ANKRD17: variants seen among roughly 807,000 people sequenced by gnomAD.
The protein encoded by ANKRD17 is ankyrin repeat domain-containing protein 17.
A neutral mutation model predicts 229.7 loss-of-function variants in ANKRD17; 19 were observed. The observed-to-expected ratio is 0.08, with a 90% CI of 0.06 to 0.12. The LOEUF (loss-of-function observed/expected upper bound fraction) is 0.12, where lower values mean the gene tolerates loss of function less well. Ranked by LOEUF, ANKRD17 falls within the 10% of genes least tolerant of loss-of-function variation. ANKRD17 has a pLI of 1.00. For missense variants in ANKRD17, 2,176 were observed against 3,176.8 expected (o/e 0.68, Z 7.57); for synonymous variants, 1,112 against 1,146.1 (o/e 0.97, Z 0.60).
chr4:73,093,272 T>C (rs1315746902), intron 28 of ANKRD17, among the ~76,000 whole-genome samples: 1 of 152,108 alleles, frequency 6.6e-6, no homozygotes, highest in Admixed American at 6.5e-5. Flanking sequence ...TATGATTTCT[T>C]AGAACATCAC....
intron 1 of ANKRD17, among the ~76,000 whole-genome samples, chr4:73,233,336 A>G (rs1743234421): frequency 6.6e-6 from 1 of 152,140 alleles, no homozygotes; most frequent in Admixed American, 6.5e-5. Context: ...TTTATATTAT[A>G]AAGGTTTATA....
chr4:73,121,984 CA>C (rs1726799097), intron 18 of ANKRD17, among the ~76,000 whole-genome samples: 1 of 152,176 alleles, frequency 6.6e-6, no homozygotes, highest in South Asian at 2.1e-4. Flanking sequence ...TAAAATGCTA[CA>C]ATGTGTTCAT....
chr4:73,212,199 T>C lies in ANKRD17; in HGVS notation c.394-34666A>G, dbSNP rs527769905. On this transcript the variant is annotated intron_variant, in intron 1 of 33. Transcript: ENST00000358602. ...AATAACTCAAAATGAAAAACCAGCA[T>C]TTACTATGTTCTAAGTACAATGTTG... Among the ~76,000 whole-genome samples the C allele has an allele frequency of 9.2e-5, 14 of 152,184 alleles. 1 individual carries two copies. The South Asian group carries it at 2.9e-3, about 32-fold the overall frequency.
At chr4:73,242,331 A>C (rs1401283887) in intron 1 of ANKRD17, among the ~76,000 whole-genome samples, 1 of 152,182 alleles carries the variant, frequency 6.6e-6, no homozygotes, top group South Asian at 2.1e-4. Flanking sequence ...ACAATAACTA[A>C]TTAAGAAAGT....
At chr4:73,192,724 T>C (rs890905475) in intron 1 of ANKRD17, among the ~76,000 whole-genome samples, 11 of 152,164 alleles carry the variant, frequency 7.2e-5, no homozygotes, top group Admixed American at 2.0e-4. Flanking sequence ...TCTTGAGATA[T>C]ATAGGATTAA....
At chr4:73,251,259 C>A (rs1170457109) in intron 1 of ANKRD17, among the ~76,000 whole-genome samples, 1 of 152,106 alleles carries the variant, frequency 6.6e-6, no homozygotes, top group African/African-American at 2.4e-5. Context: ...TAACATTTCC[C>A]TTTTCAATAA....
intron 19 of ANKRD17, 33 bp downstream of exon 19, chr4:73,121,584 A>G (rs1354997883): frequency 1.2e-6 from 2 of 1,611,988 alleles, no homozygotes; most frequent in Non-Finnish European, 1.7e-6. Context: ...GTCTTACTAA[A>G]TAAGGGGCTT....
At chr4:73,240,322 C>T (rs1743900317) in intron 1 of ANKRD17, among the ~76,000 whole-genome samples, 1 of 151,954 alleles carries the variant, frequency 6.6e-6, no homozygotes. Flanking sequence ...AGAAAAATTG[C>T]TTCAAAAGAT....
Position 73,090,884 on chromosome 4 carries a change from G to C in ANKRD17, c.6744C>G (p.Pro2248=). 4 of 1,614,244 alleles carry C rather than the reference G, an allele frequency of 2.5e-6. No homozygotes were observed. Among genetic ancestry groups the C allele is most frequent in the Non-Finnish European group, 3.4e-6 (4 of 1,180,054 alleles). Residue 2248 remains proline, a synonymous_variant, in exon 29 of 34, where the codon CCC becomes CCG. Transcript: ENST00000358602. ...NKPIAPNFSA[P]LPFGPFSTLF... ...ATGTGCTAAAGGGCCCAAATGGTAA[G>C]GGGGCACTGAAATTGGGAGCAATAG... is the stretch of plus-strand genomic sequence containing the variant.
intron 7 of ANKRD17, among the ~76,000 whole-genome samples, chr4:73,150,055 T>C (rs1009105834): frequency 6.6e-6 from 1 of 152,180 alleles, no homozygotes; most frequent in Admixed American, 6.5e-5. Context: ...TTTGCCTCTA[T>C]GCTTGTCACA....
intron 1 of ANKRD17, among the ~76,000 whole-genome samples, chr4:73,198,579 TGTTATTA>T (rs1483618669): frequency 7.2e-5 from 11 of 152,152 alleles, no homozygotes; most frequent in Non-Finnish European, 1.6e-4. Context: ...AAAAATTAAA[TGTTATTA>T]GTCATGACTC....
intron 1 of ANKRD17, among the ~76,000 whole-genome samples, chr4:73,207,487 T>G (rs1339926826): frequency 1.3e-5 from 2 of 152,134 alleles, no homozygotes; most frequent in Admixed American, 6.5e-5. Flanking sequence ...TATTGACAGT[T>G]TGTATAAAAA....
At chr4:73,192,497 G>A (rs1410229119) in intron 1 of ANKRD17, among the ~76,000 whole-genome samples, 8 of 151,958 alleles carry the variant, frequency 5.3e-5, no homozygotes, top group African/African-American at 9.6e-5. Context: ...ATCAAAGAAT[G>A]AAATCAAAGA....
chr4:73,098,107 C>G lies in ANKRD17; in HGVS notation c.4987G>C (p.Glu1663Gln). Reference protein sequence around the residue: ...PSVLVTFPKEERKSVSGKASI... With the variant: ...PSVLVTFPKEQRKSVSGKASI... The stretch of plus-strand genomic sequence containing the variant: ...GCCTTGCCAGAAACAGATTTTCTCT[C>G]TTCCTTTGGAAATGTAACAAGAACT... The change falls in exon 26 of 34, where the codon GAG becomes CAG. Residue 1663 changes from glutamate (E) to glutamine (Q), a missense_variant. Around this residue, in one of 18 missense-constraint regions of ANKRD17, gnomAD observed 98 missense variants for 101.0 expected, o/e 0.97. Transcript: ENST00000358602. The G allele has an allele frequency of 6.2e-7, 1 of 1,605,918 alleles. No homozygotes were observed. Among genetic ancestry groups the G allele is most frequent in the Non-Finnish European group, 8.5e-7 (1 of 1,174,974 alleles).
chr4:73,110,609 AAT>A (rs938854092), intron 24 of ANKRD17, among the ~76,000 whole-genome samples: 3 of 152,234 alleles, frequency 2.0e-5, no homozygotes, highest in South Asian at 2.1e-4. Flanking sequence ...GCCAGAATGT[AAT>A]ATATCTCAAA....
intron 1 of ANKRD17, among the ~76,000 whole-genome samples, chr4:73,179,518 A>ATATATATATTTTTTTT (rs1192164276): frequency 2.5e-5 from 1 of 40,800 alleles, no homozygotes; most frequent in Non-Finnish European, 4.6e-5. Context: ...ATATATATAT[A>ATATATATATTTTTTTT]TTTTTTTTTT....
At chr4:73,152,714 C>G (rs550231411) in intron 6 of ANKRD17, among the ~76,000 whole-genome samples, 30 of 152,170 alleles carry the variant, frequency 2.0e-4, no homozygotes, top group African/African-American at 6.0e-4. Context: ...GCAGCCAGTA[C>G]TGGGTTCAAA....
chr4:73,214,325 A>G (rs555621694), intron 1 of ANKRD17, among the ~76,000 whole-genome samples: 1 of 152,338 alleles, frequency 6.6e-6, no homozygotes, highest in South Asian at 2.1e-4. Flanking sequence ...ACTTGTCTAA[A>G]TCTTACTTTT....
intron 1 of ANKRD17, among the ~76,000 whole-genome samples, chr4:73,241,506 A>G (rs1744034082): frequency 6.6e-6 from 1 of 152,204 alleles, no homozygotes; most frequent in South Asian, 2.1e-4. Flanking sequence ...TTATTTTTAA[A>G]AAGAGGTATG....
Sources: allele counts gnomAD v4.1 joint callset (sites outside exome capture counted in the v4.1 genomes callset), GRCh38; gene constraint gnomAD v4.1.1; regional missense constraint gnomAD v4.1.1; transcripts MANE v1.5; gene names NCBI Gene and HGNC (gene_info 2026-07-23, HGNC 2026-07-21).